The following IPO7 variants were observed in gnomAD, a reference collection of about 807,000 sequenced individuals.
IPO7 encodes importin-7.
In IPO7, 13 loss-of-function variants were observed where a neutral mutation model predicts 136.4. The ratio of observed to expected loss-of-function variants is 0.10; its 90% CI spans 0.06 to 0.15. IPO7 has a LOEUF of 0.15. IPO7 is among the 10% of genes least tolerant of loss of function. The pLI, the probability that IPO7 is intolerant of heterozygous loss-of-function variation, is 1.00. For missense variants in IPO7, 857 were observed against 1,240.6 expected, an observed-to-expected ratio of 0.69 and a Z score of 4.65; for synonymous variants, 403 against 404.4, an observed-to-expected ratio of 1.00 and a Z score of 0.04.
intron 16 of IPO7, among the ~76,000 whole-genome samples, chr11:9,431,224 T>A (rs1187952867): frequency 6.6e-6 from 1 of 152,200 alleles, no homozygotes; most frequent in Non-Finnish European, 1.5e-5. Flanking sequence ...CTCCTCGTTA[T>A]GTTTTCTCAG....
intron 8 of IPO7, 83 bp downstream of exon 8, chr11:9,420,781 C>G (rs1409762620): frequency 1.0e-6 from 1 of 958,054 alleles, no homozygotes. Flanking sequence ...GTTTCTTTGA[C>G]ATCTAAAGAG....
intron 12 of IPO7, among the ~76,000 whole-genome samples, chr11:9,428,102 A>G (rs751022889): frequency 2.6e-4 from 40 of 152,078 alleles, no homozygotes; most frequent in Non-Finnish European, 4.6e-4. Flanking sequence ...CCTGGGCAAC[A>G]CAGCAAGACT....
intron 6 of IPO7, among the ~76,000 whole-genome samples, chr11:9,418,807 T>G (rs1362432581): frequency 1.3e-5 from 2 of 152,210 alleles, no homozygotes; most frequent in Non-Finnish European, 2.9e-5. Flanking sequence ...CATGGCTGGT[T>G]CTAGTCATCT....
intron 2 of IPO7, 124 bp downstream of exon 2, chr11:9,403,495 T>TC (rs1854830721): frequency 1.5e-6 from 1 of 664,092 alleles, no homozygotes; most frequent in African/African-American, 1.8e-5. Context: ...TTGTTTACCT[T>TC]CAGTGTTTAC....
chr11:9,440,161 T>TA (rs1193914040), intron 22 of IPO7, among the ~76,000 whole-genome samples: 3 of 152,118 alleles, frequency 2.0e-5, no homozygotes, highest in Non-Finnish European at 2.9e-5. Context: ...GCCAGCCTTT[T>TA]AAAAAAAATC....
intron 20 of IPO7, among the ~76,000 whole-genome samples, chr11:9,437,252 T>A (rs67548305): frequency 0.35 from 53,145 of 150,908 alleles, 10,042 homozygotes; most frequent in Non-Finnish European, 0.43. Context: ...TTATTTATTT[T>A]TTATTTATTT....
At chr11:9,434,654 G>A (rs61876789) in intron 18 of IPO7, among the ~76,000 whole-genome samples, 6 of 152,138 alleles carry the variant, frequency 3.9e-5, no homozygotes, top group Non-Finnish European at 7.3e-5. Context: ...TTAATCAGGC[G>A]AGGTGGCGTG....
At chr11:9,413,069 G>A (rs941373784) in intron 4 of IPO7, among the ~76,000 whole-genome samples, 2 of 151,934 alleles carry the variant, frequency 1.3e-5, no homozygotes, top group Non-Finnish European at 2.9e-5. Flanking sequence ...TAGTAGAGAC[G>A]GGGTTTCACC....
Position 9,447,589 on chromosome 11 carries a change from G to T in IPO7, c.*2395G>T, listed in dbSNP as rs1479387500. On this transcript the variant is annotated 3_prime_UTR_variant, in exon 25 of 25. Coordinates refer to ENST00000379719, the MANE Select transcript of IPO7 (RefSeq NM_006391.3). Reference sequence around the variant, plus strand: ...ATTCTCTTGTAATTAGCTACATAGGGACTTGTCTTTTTTTCTTTTTACATA... The same window carrying T: ...ATTCTCTTGTAATTAGCTACATAGGTACTTGTCTTTTTTTCTTTTTACATA... The T allele has an allele frequency of 6.6e-6, 1 of 151,968 alleles. No homozygotes were observed. The highest frequency in any genetic ancestry group is 2.4e-5 in the African/African-American group (1 of 41,400). The allele number at this position is 151,968 out of a possible 1,614,324, so 9.4% of individuals were successfully genotyped here.
At chr11:9,388,745 G>A (rs1443775130) in intron 1 of IPO7, among the ~76,000 whole-genome samples, 3 of 152,120 alleles carry the variant, frequency 2.0e-5, no homozygotes, top group African/African-American at 4.8e-5. Context: ...AGGCTGGAGT[G>A]CAGTGGGCTC....
Position 9,423,772 on chromosome 11 carries a change from T to C in IPO7, c.1042-5T>C, listed in dbSNP as rs1855166151. ...GTTATTGTTTTCTTAACTTTTAAAT[T>C]GCAGGGCATTATCCAAGATGTTATT... On this transcript the variant is annotated splice_region_variant and splice_polypyrimidine_tract_variant and intron_variant, in intron 9 of 24. Transcript: ENST00000379719. 1 of 1,546,892 alleles carries C rather than the reference T, an allele frequency of 6.5e-7. No individual in the cohort carries two copies. The highest frequency in any genetic ancestry group is 1.2e-5 in the South Asian group (1 of 83,582).
chr11:9,394,362 T>G (rs558832423), intron 1 of IPO7, among the ~76,000 whole-genome samples: 1 of 140,834 alleles, frequency 7.1e-6, no homozygotes, highest in East Asian at 2.1e-4. Context: ...TTTTTAAAGT[T>G]GAGCTTATTT....
At chr11:9,394,747 A>T (rs770033552) in intron 1 of IPO7, among the ~76,000 whole-genome samples, 1 of 152,162 alleles carries the variant, frequency 6.6e-6, no homozygotes, top group Admixed American at 6.5e-5. Context: ...ACATAACTTC[A>T]TACTGATCTT....
chr11:9,433,329 G>A, intron 16 of IPO7: 1 of 483,542 alleles, frequency 2.1e-6, no homozygotes, highest in Admixed American at 3.7e-5. Context: ...CGAGAATGTT[G>A]TTTTTTCCTT....
intron 5 of IPO7, among the ~76,000 whole-genome samples, chr11:9,416,059 C>T (rs1855038378): frequency 6.6e-6 from 1 of 152,156 alleles, no homozygotes; most frequent in Admixed American, 6.5e-5. Context: ...GGCACAGTGG[C>T]TCGCACCTGT....
chr11:9,385,602 G>C (rs977312561), intron 1 of IPO7, among the ~76,000 whole-genome samples: 2 of 152,152 alleles, frequency 1.3e-5, no homozygotes, highest in African/African-American at 4.8e-5. Flanking sequence ...TTGATCCTGA[G>C]TTTTTCCCAT....
At chr11:9,423,218 G>T in intron 9 of IPO7, 78 bp downstream of exon 9, 1 of 977,864 alleles carries the variant, frequency 1.0e-6, no homozygotes, top group South Asian at 2.0e-5. Flanking sequence ...TTGAAAAATT[G>T]CATGTTTGTT....
chr11:9,417,839 A>G (rs577634934), intron 6 of IPO7, among the ~76,000 whole-genome samples: 2 of 149,786 alleles, frequency 1.3e-5, no homozygotes, highest in African/African-American at 4.9e-5. Context: ...CAGCCTCTCA[A>G]GTAGCTGGGA....
chr11:9,432,847 G>T (rs184227960), intron 16 of IPO7, among the ~76,000 whole-genome samples: 19 of 152,170 alleles, frequency 1.2e-4, no homozygotes, highest in African/African-American at 4.1e-4. Context: ...AAAAACTAAG[G>T]TGACTTAAGG....
Sources: allele counts gnomAD v4.1 joint callset (sites outside exome capture counted in the v4.1 genomes callset), GRCh38; gene constraint gnomAD v4.1.1; transcripts MANE v1.5; gene names NCBI Gene and HGNC (gene_info 2026-07-23, HGNC 2026-07-21).